HADHB: variants seen among roughly 807,000 people sequenced by gnomAD.
The protein encoded by HADHB is trifunctional enzyme subunit beta, mitochondrial.
In HADHB, 50 loss-of-function variants were observed where a neutral mutation model predicts 61.9. That is an observed-to-expected ratio of 0.81 (90% confidence interval 0.64 to 1.02). The LOEUF is 1.02. Among genes scored for constraint, HADHB ranks in the 50% least tolerant of loss-of-function variants. HADHB has a pLI of 0.00. For missense variants in HADHB, 504 were observed against 586.5 expected, an observed-to-expected ratio of 0.86 and a Z score of 1.45; for synonymous variants, 191 against 201.6, an observed-to-expected ratio of 0.95 and a Z score of 0.45.
chr2:26,290,293 T>G lies in HADHB; in HGVS notation c.*340T>G. 2.8e-6 allele frequency: 1 copy of G among 356,322 alleles called. No individual in the cohort carries two copies. The highest frequency in any genetic ancestry group is 5.3e-6 in the Non-Finnish European group (1 of 188,416). The allele number at this position is 356,322 out of a possible 1,614,324, so 22.1% of individuals were successfully genotyped here. A position where few individuals can be genotyped will look rare whatever the true frequency, so the allele number is the denominator to read the frequency against. On this transcript the variant is annotated 3_prime_UTR_variant, in exon 16 of 16. Coordinates refer to ENST00000317799, the MANE Select transcript of HADHB (RefSeq NM_000183.3). ...AAATCATCTTTGTAATATTTGCAAATTATACTTGTTCTTATCTGTGTCCTA... is the reference window on the plus strand; with the variant it reads ...AAATCATCTTTGTAATATTTGCAAAGTATACTTGTTCTTATCTGTGTCCTA...
At chr2:26,269,322 G>C (rs775183526) in intron 4 of HADHB, among the ~76,000 whole-genome samples, 6 of 151,998 alleles carry the variant, frequency 3.9e-5, no homozygotes, top group Admixed American at 1.3e-4. Flanking sequence ...AGCCTCCCAA[G>C]TAGCTAGGAC....
In HADHB at chr2:26,284,955, A is replaced by C; in HGVS notation, c.1222A>C (p.Lys408Gln). 2.6e-6 allele frequency: 4 copies of C among 1,514,156 alleles called. No homozygotes were observed. Among genetic ancestry groups the C allele is most frequent in the Non-Finnish European group, 3.7e-6 (4 of 1,088,822 alleles). The allele number at this position is 1,514,156 out of a possible 1,614,324, so 93.8% of individuals were successfully genotyped here. The part of the protein sequence containing the change: ...FAENYMGRKT[K>Q]VGLPPLEKFN... ...AGAAAACTACATGGGTAGAAAAACC[A>C]AGGTGAGTTTCTAATTTTAAAAAAT... Residue 408 changes from lysine (K) to glutamine (Q), a missense_variant and splice_region_variant, in exon 14 of 16, where the codon AAG (lysine) becomes CAG (glutamine). Physicochemically the swap from Lys to Gln is moderately conservative, Grantham distance 53. Coordinates refer to ENST00000317799, the MANE Select transcript of HADHB (RefSeq NM_000183.3).
At chr2:26,272,589 T>A (rs1574657925) in intron 5 of HADHB, among the ~76,000 whole-genome samples, 1 of 151,490 alleles carries the variant, frequency 6.6e-6, no homozygotes, top group Non-Finnish European at 1.5e-5. Context: ...CCTCAAGTGA[T>A]CCGCCTGCCT....
intron 4 of HADHB, among the ~76,000 whole-genome samples, chr2:26,267,190 A>G (rs1672122212): frequency 6.6e-6 from 1 of 152,206 alleles, no homozygotes; most frequent in South Asian, 2.1e-4. Flanking sequence ...ACAAACAAAT[A>G]AATAGAGTTC....
chr2:26,269,993 CT>C lies in HADHB; in HGVS notation c.252del (p.Thr85ArgfsTer13). On this transcript the variant is annotated frameshift_variant, in exon 5 of 16. Coordinates refer to ENST00000317799, the MANE Select transcript of HADHB (RefSeq NM_000183.3). LOFTEE classifies it high-confidence loss of function. ...GCCACATGATTTGGCTAGAGCAGCG[CT>C]TACGTAAGTAAATGCAGTTTCATTT... ...LMPHDLARAA[L>X]TGLLHRTSVP... 6.3e-7 allele frequency: 1 copy of C among 1,596,168 alleles called. No homozygotes were observed. The highest frequency in any genetic ancestry group is 8.6e-7 in the Non-Finnish European group (1 of 1,163,714).
intron 3 of HADHB, chr2:26,260,805 T>A (rs1057066507): frequency 1.7e-6 from 1 of 584,438 alleles, no homozygotes; most frequent in Admixed American, 3.0e-5. Context: ...ACATGGTATG[T>A]CCCTTTCCTG....
At chr2:26,253,764 A>G (rs1379008177) in intron 1 of HADHB, among the ~76,000 whole-genome samples, 2 of 151,938 alleles carry the variant, frequency 1.3e-5, no homozygotes, top group Admixed American at 1.3e-4. Flanking sequence ...GAGGCAGGAG[A>G]ATCGACTGAA....
chr2:26,286,490 T>C (rs1263211289), intron 15 of HADHB, among the ~76,000 whole-genome samples: 2 of 152,010 alleles, frequency 1.3e-5, no homozygotes, highest in Admixed American at 6.6e-5. Context: ...AAAAGGAAGA[T>C]TGTAGTTTGT....
intron 9 of HADHB, 43 bp downstream of exon 9, chr2:26,279,358 T>C (rs1672692593): frequency 2.9e-6 from 4 of 1,392,176 alleles, no homozygotes; most frequent in Non-Finnish European, 4.1e-6. Context: ...GAGTTCTGAA[T>C]TGCTCCTAAA....
At chr2:26,274,589 C>A (rs1001772515) in intron 6 of HADHB, among the ~76,000 whole-genome samples, 1 of 152,162 alleles carries the variant, frequency 6.6e-6, no homozygotes, top group Admixed American at 6.5e-5. Context: ...ACGAAACTAA[C>A]TGTGTGCTGT....
intron 3 of HADHB, chr2:26,260,752 C>T (rs1278877766): frequency 2.1e-6 from 1 of 467,844 alleles, no homozygotes; most frequent in East Asian, 3.6e-5. Context: ...TGTTAGGAAC[C>T]AAGCAAGCAG....
chr2:26,255,032 G>A (rs756118579), intron 3 of HADHB: 1 of 156,640 alleles, frequency 6.4e-6, no homozygotes, highest in Non-Finnish European at 1.4e-5. Flanking sequence ...CAATGAATTA[G>A]GCTTCTTTAC....
chr2:26,279,308 A>C lies in HADHB; in HGVS notation c.804A>C (p.Lys268Asn), dbSNP rs774156064. Residue 268 changes from lysine to asparagine, a missense_variant, in exon 9 of 16, where the codon AAA (lysine) becomes AAC (asparagine). Coordinates refer to ENST00000317799, the MANE Select transcript of HADHB (RefSeq NM_000183.3). ...EGLLSDVVPF[K>N]VPGKDTVTKD... ...TCCTTTCTGATGTGGTACCCTTCAAAGTACCAGGTGAAATGAAATGCTTCA... is the reference window on the plus strand; with the variant it reads ...TCCTTTCTGATGTGGTACCCTTCAACGTACCAGGTGAAATGAAATGCTTCA... 1 of 1,605,212 alleles carries C rather than the reference A, an allele frequency of 6.2e-7. No homozygotes were observed. The highest frequency in any genetic ancestry group is 1.1e-5 in the South Asian group (1 of 90,904).
At chr2:26,256,071 T>C (rs1354616027) in intron 3 of HADHB, among the ~76,000 whole-genome samples, 1 of 152,264 alleles carries the variant, frequency 6.6e-6, no homozygotes, top group African/African-American at 2.4e-5. Flanking sequence ...TCTCCCCAAC[T>C]GTATTGTAAG....
At position 26,284,168 on chromosome 2, in the gene HADHB, T is replaced by C; in HGVS notation, c.1113T>C (p.Asn371=). The C allele has an allele frequency of 6.3e-7, 1 of 1,595,820 alleles. No homozygotes were observed. The highest frequency in any genetic ancestry group is 8.6e-7 in the Non-Finnish European group (1 of 1,163,418). ...KVLEKAGLTM[N]DIDAFEFHEA... is the part of the protein sequence containing the mutation. ...TAGAAAAGGCAGGATTGACCATGAA[T>C]GATATTGATGCTTTTGAATTTCATG... Residue 371 remains asparagine (N), a synonymous_variant, in exon 13 of 16, where the codon AAT becomes AAC. Transcript: ENST00000317799.
intron 1 of HADHB, among the ~76,000 whole-genome samples, chr2:26,247,334 T>C (rs989124695): frequency 1.3e-5 from 2 of 152,238 alleles, no homozygotes; most frequent in African/African-American, 4.8e-5. Context: ...AGCTCTGCTA[T>C]AGGATAATTT....
intron 5 of HADHB, among the ~76,000 whole-genome samples, chr2:26,273,300 C>G (rs529009544): frequency 1.9e-4 from 29 of 151,900 alleles, no homozygotes; most frequent in African/African-American, 5.8e-4. Flanking sequence ...TTTGCTTTAT[C>G]TCTTTGATTG....
chr2:26,287,594 T>C (rs1426497449), intron 15 of HADHB, among the ~76,000 whole-genome samples: 4 of 152,212 alleles, frequency 2.6e-5, no homozygotes, highest in Non-Finnish European at 5.9e-5. Flanking sequence ...GCACCTTTCT[T>C]CTAGAAGTTT....
intron 1 of HADHB, among the ~76,000 whole-genome samples, chr2:26,251,672 G>GC (rs1159882403): frequency 6.6e-6 from 1 of 152,000 alleles, no homozygotes; most frequent in Non-Finnish European, 1.5e-5. Context: ...TGTTTCTCTG[G>GC]CCAGAGTCCT....
Sources: gnomAD v4.1 joint callset for allele counts (sites outside exome capture counted in the v4.1 genomes callset) on GRCh38, gnomAD v4.1.1 for gene constraint, MANE v1.5 for transcripts, NCBI Gene and HGNC (gene_info 2026-07-23, HGNC 2026-07-21) for gene names.